BOK: variants seen among roughly 807,000 people sequenced by gnomAD.
BOK encodes bcl-2-related ovarian killer protein.
BOK carries 20 observed loss-of-function variants against 18.3 expected under a neutral mutation model. That is an observed-to-expected ratio of 1.09 (90% CI 0.77 to 1.59). BOK has a LOEUF of 1.59. Among genes scored for constraint, BOK ranks in the 40% most tolerant of loss-of-function variants. The pLI, the probability that BOK is intolerant of heterozygous loss-of-function variation, is 0.00. For missense variants in BOK, 348 were observed against 307.9 expected (o/e 1.13, Z -0.97); for synonymous variants, 173 against 142.4 (o/e 1.21, Z -1.53).
rs2066742267 is a variant in BOK at position 241,572,610 on chromosome 2, G to A, written c.*188G>A. Reference sequence around the variant, plus strand: ...GGTGAGTGGGGAGGGGCTTTCCTGAGCCTGGAGCTGGGCTTTGGGGCAGCC... The same window carrying A: ...GGTGAGTGGGGAGGGGCTTTCCTGAACCTGGAGCTGGGCTTTGGGGCAGCC... On this transcript the variant is annotated 3_prime_UTR_variant, in exon 5 of 5. Transcript: ENST00000318407. The A allele has an allele frequency of 1.0e-5, 9 of 864,172 alleles. No homozygotes were observed. Among genetic ancestry groups the A allele is most frequent in the Non-Finnish European group, 1.6e-5 (9 of 577,648 alleles). The allele number at this position is 864,172 out of a possible 1,614,324, so 53.5% of individuals were successfully genotyped here. A position where few individuals can be genotyped will look rare whatever the true frequency, so the allele number is the denominator to read the frequency against.
In BOK at chr2:241,570,144, G is replaced by T; in HGVS notation, c.369G>T (p.Val123=). ...CTGCAGGCATCACGTGGGGCAAGGT[G>T]GTGTCCCTGTATGCGGTGGCCGCGG... ...IFSAGITWGK[V]VSLYAVAAGL... Residue 123 remains valine, a synonymous_variant, in exon 4 of 5, where the codon GTG becomes GTT. Coordinates refer to ENST00000318407, the MANE Select transcript of BOK (RefSeq NM_032515.5). 6.2e-7 allele frequency: 1 copy of T among 1,611,712 alleles called. No individual in the cohort carries two copies. The highest frequency in any genetic ancestry group is 8.5e-7 in the Non-Finnish European group (1 of 1,179,390).
intron 2 of BOK, among the ~76,000 whole-genome samples, 195 bp downstream of exon 2, chr2:241,559,898 C>A (rs1190492382): frequency 1.3e-5 from 2 of 152,236 alleles, no homozygotes; most frequent in East Asian, 1.9e-4. Context: ...CAGGCCCCCC[C>A]ATCAGCTGCC....
chr2:241,560,831 G>A (rs1331584990), intron 2 of BOK, among the ~76,000 whole-genome samples: 2 of 152,186 alleles, frequency 1.3e-5, no homozygotes, highest in Non-Finnish European at 2.9e-5. Context: ...CCCTGGAATG[G>A]CTGGGAAGAA....
rs574209182 is a variant in BOK at position 241,572,444 on chromosome 2, G to A, written c.*22G>A. The A allele has an allele frequency of 6.9e-6, 11 of 1,588,680 alleles. No homozygotes were observed. Among genetic ancestry groups the A allele is most frequent in the Middle Eastern group, 1.7e-4 (1 of 5,918 alleles). ...ATGAGCTGCCCACCTGGCAGTGGCC[G>A]CAGCCTGGCCCTCTGGGCCCAACGC... On this transcript the variant is annotated 3_prime_UTR_variant, in exon 5 of 5. Coordinates refer to ENST00000318407, the MANE Select transcript of BOK (RefSeq NM_032515.5).
intron 1 of BOK, among the ~76,000 whole-genome samples, chr2:241,553,584 ACG>A (rs2066429500): frequency 6.6e-6 from 1 of 152,220 alleles, no homozygotes; most frequent in South Asian, 2.1e-4. Flanking sequence ...GACGTGTCTT[ACG>A]AGGCGGAAGG....
intron 4 of BOK, among the ~76,000 whole-genome samples, chr2:241,571,825 C>T (rs2066726718): frequency 6.6e-6 from 1 of 152,258 alleles, no homozygotes; most frequent in South Asian, 2.1e-4. Context: ...AACGCAGTCC[C>T]TGCTGTTGTT....
chr2:241,572,523 C>T lies in BOK; in HGVS notation c.*101C>T. 1 of 1,479,994 alleles carries T rather than the reference C, an allele frequency of 6.8e-7. No homozygotes were observed. The highest frequency in any genetic ancestry group is 9.0e-7 in the Non-Finnish European group (1 of 1,110,144). The allele number at this position is 1,479,994 out of a possible 1,614,324, so 91.7% of individuals were successfully genotyped here. A position where few individuals can be genotyped will look rare whatever the true frequency, so the allele number is the denominator to read the frequency against. On this transcript the variant is annotated 3_prime_UTR_variant, in exon 5 of 5. Coordinates refer to ENST00000318407, the MANE Select transcript of BOK (RefSeq NM_032515.5). ...TCCTCCTCCCCACCCGAGCCTGGAG[C>T]ACTCTAACCCTCGGAGACCCCCTAA... is the stretch of plus-strand genomic sequence containing the variant.
At chr2:241,557,248 A>AT (rs1375091913), upstream of BOK, among the ~76,000 whole-genome samples, 4 of 137,584 alleles carry the variant, frequency 2.9e-5, no homozygotes, top group Admixed American at 7.1e-5. Context: ...CTTTAGTTTT[A>AT]TTGTTCTTTT....
At chr2:241,568,683 G>A (rs2066655737) in intron 3 of BOK, among the ~76,000 whole-genome samples, 1 of 152,230 alleles carries the variant, frequency 6.6e-6, no homozygotes, top group African/African-American at 2.4e-5. Context: ...CTTCCAAGGT[G>A]CTGGGATTAT....
upstream of BOK, among the ~76,000 whole-genome samples, chr2:241,556,478 G>A (rs1263328094): frequency 6.7e-6 from 1 of 149,046 alleles, no homozygotes; most frequent in Admixed American, 6.8e-5. Flanking sequence ...CAGCTACTCG[G>A]GAGGCTGAGG....
intron 4 of BOK, among the ~76,000 whole-genome samples, chr2:241,571,218 G>A (rs1237139432): frequency 2.0e-5 from 3 of 148,792 alleles, no homozygotes; most frequent in African/African-American, 2.4e-5. Context: ...CCGCCCTCCC[G>A]AGTGGGAAAA....
rs1453827608 is a variant in BOK, at chr2:241,570,291, G to C, written c.513+3G>C. On this transcript the variant is annotated splice_donor_region_variant and intron_variant, in intron 4 of 4. Coordinates refer to ENST00000318407, the MANE Select transcript of BOK (RefSeq NM_032515.5). ...GGCTGCGGAGACGCGGCGGATGGGT[G>C]AGCGCCTGAGTGCCCGTGTGGGTGG... 6.4e-7 allele frequency: 1 copy of C among 1,551,072 alleles called. No homozygotes were observed. Among genetic ancestry groups the C allele is most frequent in the Non-Finnish European group, 8.7e-7 (1 of 1,148,696 alleles).
In BOK at chr2:241,552,431, C is replaced by A. The variant is rs908372116; in HGVS notation, n.54+954C>A. Among the ~76,000 whole-genome samples the A allele has an allele frequency of 2.0e-5, 3 of 152,206 alleles. No homozygotes were observed. In the South Asian group the frequency reaches 6.2e-4, roughly 32 times the overall value. On this transcript the variant is annotated intron_variant and non_coding_transcript_variant, in intron 1 of 1. Transcript: ENST00000641230. ...ACGCCGCGCCATGCCGGTCCACACCCTGTCCGGCCCACTCATACCATCCAC... is the reference window on the plus strand; with the variant it reads ...ACGCCGCGCCATGCCGGTCCACACCATGTCCGGCCCACTCATACCATCCAC...
intron 3 of BOK, among the ~76,000 whole-genome samples, chr2:241,565,532 G>A (rs960987208): frequency 2.6e-5 from 4 of 151,712 alleles, no homozygotes; most frequent in Admixed American, 2.6e-4. Context: ...CTCCCTGCCT[G>A]AGGCCCCTCC....
rs767512953 is a variant in BOK, at chr2:241,562,489, T to C, written c.349+13T>C. The C allele has an allele frequency of 1.9e-6, 3 of 1,601,678 alleles. No homozygotes were observed. The highest frequency in any genetic ancestry group is 2.6e-6 in the Non-Finnish European group (3 of 1,175,190). On this transcript the variant is annotated intron_variant, in intron 3 of 4. Transcript: ENST00000318407. The surrounding 1 kb of genome is among the most constrained non-coding windows in gnomAD (Gnocchi z 4.5). Reference sequence around the variant, plus strand: ...ATCTTCTCTGCAGGTATGCCCAGCCTGCCCGTCCCATGGGACCTCAGGGAG... The same window carrying C: ...ATCTTCTCTGCAGGTATGCCCAGCCCGCCCGTCCCATGGGACCTCAGGGAG...
chr2:241,565,897 A>G (rs2066603139), intron 3 of BOK, among the ~76,000 whole-genome samples: 1 of 152,224 alleles, frequency 6.6e-6, no homozygotes, highest in Non-Finnish European at 1.5e-5. Context: ...AAAGTTGGCA[A>G]TAGTGTTTAT....
At chr2:241,557,308 C>CTTT (rs59048690), upstream of BOK, among the ~76,000 whole-genome samples, 4 of 126,744 alleles carry the variant, frequency 3.2e-5, no homozygotes, top group South Asian at 2.5e-4. Flanking sequence ...TTTCTTTTTC[C>CTTT]TTTTTTTTTT....
chr2:241,559,535 T>C lies in BOK; in HGVS notation c.52T>C (p.Phe18Leu). ...SVFAAEIMDA[F>L]DRSPTDKELV... The stretch of plus-strand genomic sequence containing the variant: ...CTTCGCCGCCGAGATCATGGACGCC[T>C]TTGACCGCTCGCCCACAGACAAGGA... The change falls in exon 2 of 5, where the codon TTT (phenylalanine) becomes CTT (leucine). Residue 18 changes from phenylalanine (F) to leucine (L), a missense_variant. Coordinates refer to ENST00000318407, the MANE Select transcript of BOK (RefSeq NM_032515.5). 6.6e-7 allele frequency: 1 copy of C among 1,522,956 alleles called. No individual in the cohort carries two copies. The highest frequency in any genetic ancestry group is 1.2e-5 in the South Asian group (1 of 81,812). The allele number at this position is 1,522,956 out of a possible 1,614,324, so 94.3% of individuals were successfully genotyped here.
At chr2:241,555,597 G>A (rs1262061945), upstream of BOK, among the ~76,000 whole-genome samples, 1 of 151,818 alleles carries the variant, frequency 6.6e-6, no homozygotes, top group African/African-American at 2.4e-5. Flanking sequence ...AGCTGGTCTC[G>A]AACTCCTAAC....
Sources: gnomAD v4.1 joint callset for allele counts (sites outside exome capture counted in the v4.1 genomes callset) on GRCh38, gnomAD v4.1.1 for gene constraint, Gnocchi (gnomAD v3.1) non-coding constraint, MANE v1.5 for transcripts, NCBI Gene and HGNC (gene_info 2026-07-23, HGNC 2026-07-21) for gene names.